The following ZNF431 variants were observed in gnomAD, a reference collection of about 807,000 sequenced individuals.
ZNF431 encodes the protein zinc finger protein 431.
In ZNF431, 34 loss-of-function variants were observed where a neutral mutation model predicts 57.0. The ratio of observed to expected loss-of-function variants is 0.60; its 90% confidence interval spans 0.45 to 0.79. The LOEUF (loss-of-function observed/expected upper bound fraction) is 0.79. ZNF431 is among the 30% of genes least tolerant of loss of function. ZNF431 has a pLI of 0.00. For missense variants in ZNF431, 607 were observed against 667.1 expected (o/e 0.91, Z 0.99); for synonymous variants, 207 against 220.3 (o/e 0.94, Z 0.54).
chr19:21,176,993 T>G lies in ZNF431; in HGVS notation c.320-5630T>G, dbSNP rs557826927. Reference sequence around the variant, plus strand: ...GGTTACAGGCGTGAGCCACCACACCTGGTGATAATTACTTTTGCTGTGCAG... The same window carrying G: ...GGTTACAGGCGTGAGCCACCACACCGGGTGATAATTACTTTTGCTGTGCAG... On this transcript the variant is annotated intron_variant, in intron 4 of 4. Transcript: ENST00000311048. Among the ~76,000 whole-genome samples, 264 of 152,278 alleles carry G rather than the reference T, an allele frequency of 1.7e-3. 3 individuals are homozygous for G. Among genetic ancestry groups the G allele is most frequent in the African/African-American group, 5.5e-3 (228 of 41,540 alleles).
At position 21,183,379 on chromosome 19, in the gene ZNF431, T is replaced by G. The variant is rs1236905274; in HGVS notation, c.1076T>G (p.Leu359Arg). The G allele has an allele frequency of 6.2e-7, 1 of 1,613,522 alleles. No homozygotes were observed. The highest frequency in any genetic ancestry group is 8.5e-7 in the Non-Finnish European group (1 of 1,179,792). ...CDKAFNRFSYLTKHKIIHTGE... is the reference protein window; with the variant it reads ...CDKAFNRFSYRTKHKIIHTGE... Reference sequence around the variant, plus strand: ...AAAGCTTTTAATCGATTCTCATACCTTACTAAACATAAGATAATTCATACT... The same window carrying G: ...AAAGCTTTTAATCGATTCTCATACCGTACTAAACATAAGATAATTCATACT... The change falls in exon 5 of 5, where the codon CTT becomes CGT. Residue 359 changes from leucine to arginine, a missense_variant. Coordinates refer to ENST00000311048, the MANE Select transcript of ZNF431 (RefSeq NM_133473.4).
At chr19:21,160,183 T>C (rs1970534293) in intron 2 of ZNF431, among the ~76,000 whole-genome samples, 1 of 152,064 alleles carries the variant, frequency 6.6e-6, no homozygotes, top group Admixed American at 6.6e-5. Flanking sequence ...ATTGAGAATA[T>C]ACAGAAAACC....
Position 21,186,807 on chromosome 19 carries a change from A to G in ZNF431, c.*2773A>G, listed in dbSNP as rs1034796848. 6.6e-6 allele frequency: 1 copy of G among 152,180 alleles called. No individual in the cohort carries two copies. Among genetic ancestry groups the G allele is most frequent in the African/African-American group, 2.4e-5 (1 of 41,444 alleles). 9.4% of individuals were successfully genotyped at this position (152,180 alleles called of 1,614,324 possible). ...AAAATAATCTTTAGATGTAATTCCA[A>G]AAGTAGTGTATTAAGTTACATTTTA... On this transcript the variant is annotated 3_prime_UTR_variant, in exon 5 of 5. Coordinates refer to ENST00000311048, the MANE Select transcript of ZNF431 (RefSeq NM_133473.4).
chr19:21,163,763 G>A (rs762016485), intron 2 of ZNF431, among the ~76,000 whole-genome samples: 38 of 151,942 alleles, frequency 2.5e-4, no homozygotes, highest in Admixed American at 8.5e-4. Flanking sequence ...CAGGTGATCC[G>A]CCCCACTCTG....
intron 4 of ZNF431, among the ~76,000 whole-genome samples, chr19:21,175,122 C>T (rs966266294): frequency 5.3e-5 from 8 of 152,116 alleles, no homozygotes; most frequent in African/African-American, 9.7e-5. Context: ...GGCATGATCA[C>T]GACTCACTGC....
At chr19:21,145,262 T>G (rs981932295) in intron 2 of ZNF431, among the ~76,000 whole-genome samples, 1 of 152,024 alleles carries the variant, frequency 6.6e-6, no homozygotes, top group African/African-American at 2.4e-5. Flanking sequence ...GATCACGAGG[T>G]CAGGAGATCG....
chr19:21,156,480 CGTAAAACCGAACAG>C (rs1201448890), intron 2 of ZNF431, among the ~76,000 whole-genome samples: 4 of 151,250 alleles, frequency 2.6e-5, no homozygotes, highest in African/African-American at 9.7e-5. Flanking sequence ...AGGTACTAAG[CGTAAAACCGAACAG>C]GTATTTTTTT....
chr19:21,165,731 C>T (rs955149268), intron 2 of ZNF431, among the ~76,000 whole-genome samples: 11 of 150,560 alleles, frequency 7.3e-5, no homozygotes, highest in African/African-American at 2.7e-4. Flanking sequence ...TTTTTTTTTG[C>T]ATGTGTCTGT....
intron 4 of ZNF431, among the ~76,000 whole-genome samples, chr19:21,169,053 AGGCACTC>A (rs1433277048): frequency 1.3e-5 from 2 of 152,072 alleles, no homozygotes; most frequent in Non-Finnish European, 2.9e-5. Context: ...TTGGGATTAC[AGGCACTC>A]GGCACCAGCC....
chr19:21,183,453 T>C lies in ZNF431; in HGVS notation c.1150T>C (p.Ser384Pro). The change falls in exon 5 of 5, where the codon TCC (serine) becomes CCC (proline). Residue 384 changes from serine (S) to proline (P), a missense_variant. Physicochemically the swap from Ser to Pro is moderately conservative, Grantham distance 74. Coordinates refer to ENST00000311048, the MANE Select transcript of ZNF431 (RefSeq NM_133473.4). Reference protein sequence around the residue: ...CEECGKGFNWSSTLTKHKRIH... With the variant: ...CEECGKGFNWPSTLTKHKRIH... ...AGAATGTGGCAAAGGCTTTAATTGG[T>C]CCTCAACCCTTACTAAACATAAAAG... 2 of 1,613,822 alleles carry C rather than the reference T, an allele frequency of 1.2e-6. No individual in the cohort carries two copies. The highest frequency in any genetic ancestry group is 1.7e-6 in the Non-Finnish European group (2 of 1,179,892).
Position 21,147,630 on chromosome 19 carries a change from C to T in ZNF431, c.96+3987C>T, listed in dbSNP as rs1970138350. Among the ~76,000 whole-genome samples the T allele has an allele frequency of 3.4e-5, 5 of 148,612 alleles. No homozygotes were observed. The South Asian group carries it at 1.1e-3, about 31-fold the overall frequency. On this transcript the variant is annotated intron_variant, in intron 2 of 4. Transcript: ENST00000311048. ...GAAAAAAAAAAAAAACCATGATTGACAAGGAAATTTGGTTAGCTCTGTGTC... is the reference window on the plus strand; with the variant it reads ...GAAAAAAAAAAAAAACCATGATTGATAAGGAAATTTGGTTAGCTCTGTGTC...
intron 4 of ZNF431, among the ~76,000 whole-genome samples, chr19:21,175,201 C>T (rs182516303): frequency 2.4e-4 from 36 of 152,212 alleles, no homozygotes; most frequent in East Asian, 3.9e-4. Flanking sequence ...AAATGTTTGC[C>T]ATCCCAAACC....
At chr19:21,171,359 T>C (rs1010655021) in intron 4 of ZNF431, among the ~76,000 whole-genome samples, 8 of 152,192 alleles carry the variant, frequency 5.3e-5, no homozygotes, top group Non-Finnish European at 8.8e-5. Flanking sequence ...ATGTCTCTTA[T>C]TACGCAGTTT....
At chr19:21,153,757 T>C (rs557444531) in intron 2 of ZNF431, among the ~76,000 whole-genome samples, 1 of 152,316 alleles carries the variant, frequency 6.6e-6, no homozygotes, top group Non-Finnish European at 1.5e-5. Flanking sequence ...GCTCTTGTTG[T>C]CCAGTTTGGA....
At chr19:21,165,389 A>G (rs1423334903) in intron 2 of ZNF431, among the ~76,000 whole-genome samples, 1 of 152,212 alleles carries the variant, frequency 6.6e-6, no homozygotes, top group African/African-American at 2.4e-5. Flanking sequence ...ACTACTTAAA[A>G]TCATTATTAA....
rs1414960610 is a variant in ZNF431, at chr19:21,153,820, G to A, written c.96+10177G>A. On this transcript the variant is annotated intron_variant, in intron 2 of 4. Transcript: ENST00000311048. Reference sequence around the variant, plus strand: ...CAACCTCTGCCTTCCGAGTTCAAGCGATTCTCCTGCCTCAGCCTCCCTAGT... The same window carrying A: ...CAACCTCTGCCTTCCGAGTTCAAGCAATTCTCCTGCCTCAGCCTCCCTAGT... Among the ~76,000 whole-genome samples, 8 of 152,086 alleles carry A rather than the reference G, an allele frequency of 5.3e-5. No homozygotes were observed. In the South Asian group the frequency reaches 1.0e-3, roughly 20 times the overall value.
chr19:21,171,673 AT>A (rs1970893759), intron 4 of ZNF431, among the ~76,000 whole-genome samples: 1 of 115,688 alleles, frequency 8.6e-6, no homozygotes. Flanking sequence ...ATTATGTCTT[AT>A]TTTCACCATG....
chr19:21,163,189 A>G (rs1315393382), intron 2 of ZNF431, among the ~76,000 whole-genome samples: 2 of 152,212 alleles, frequency 1.3e-5, no homozygotes, highest in Admixed American at 6.5e-5. Flanking sequence ...TAAACATTGC[A>G]TTATTACATG....
rs1599634249 is a variant in ZNF431, at chr19:21,193,994, A to T, written c.*9960A>T. 2.8e-4 allele frequency: 7 copies of T among 25,418 alleles called. 1 individual carries two copies. The highest frequency in any genetic ancestry group is 7.5e-4 in the African/African-American group (7 of 9,380). 1.6% of individuals were successfully genotyped at this position (25,418 alleles called of 1,614,324 possible). The stretch of plus-strand genomic sequence containing the variant: ...GACTATCTAAACAATTCTATTTAAC[A>T]TAGTTCTGGAAGTGCTGGATAAATC... On this transcript the variant is annotated 3_prime_UTR_variant, in exon 5 of 5. Transcript: ENST00000311048.
Sources: gnomAD v4.1 joint callset for allele counts (sites outside exome capture counted in the v4.1 genomes callset) on GRCh38, gnomAD v4.1.1 for gene constraint, MANE v1.5 for transcripts, NCBI Gene and HGNC (gene_info 2026-07-23, HGNC 2026-07-21) for gene names.